MGRN1: variants seen among roughly 807,000 people sequenced by gnomAD.
MGRN1 encodes the protein mahogunin ring finger 1.
Under a neutral mutation model 69.2 loss-of-function variants are expected in MGRN1, and 29 were observed. That is an observed-to-expected ratio of 0.42 (90% CI 0.31 to 0.57). The LOEUF (loss-of-function observed/expected upper bound fraction) is 0.57. Among genes scored for constraint, MGRN1 ranks in the 20% least tolerant of loss-of-function variants. MGRN1 has a pLI of 0.15. For missense variants in MGRN1, 998 were observed against 796.2 expected, an observed-to-expected ratio of 1.25 and a Z score of -3.05; for synonymous variants, 470 against 344.2, an observed-to-expected ratio of 1.37 and a Z score of -4.04.
In MGRN1 at chr16:4,624,985, A is replaced by T; in HGVS notation, c.25A>T (p.Ile9Phe). The T allele has an allele frequency of 6.4e-7, 1 of 1,557,492 alleles. No individual in the cohort carries two copies. The highest frequency in any genetic ancestry group is 2.7e-5 in the East Asian group (1 of 37,684). MGSILSRR[I>F]AGVEDIDIQA... ...CATGGGCTCCATTCTCAGCCGCCGC[A>T]TCGCGGGGGTGGAGGACATCGACAT... is the stretch of plus-strand genomic sequence containing the variant. Residue 9 changes from isoleucine to phenylalanine, a missense_variant, in exon 1 of 17, where the codon ATC becomes TTC. Ile to Phe is a conservative substitution (Grantham distance 21). Transcript: ENST00000262370.
intron 11 of MGRN1, 62 bp from the exon 12 acceptor site, chr16:4,679,970 C>T (rs1201073967): frequency 2.0e-6 from 3 of 1,501,938 alleles, no homozygotes; most frequent in South Asian, 1.2e-5. Context: ...CAGACCTGTC[C>T]AGCCCACTCC....
Position 4,669,041 on chromosome 16 carries a change from CAT to C in MGRN1, c.726+733_726+734del, listed in dbSNP as rs112585256. ...ACACATACACATATGTACAGACACA[CAT>C]ATACTCACACACACTTATATATAGA... On this transcript the variant is annotated intron_variant, in intron 8 of 16. Coordinates refer to ENST00000262370, the MANE Select transcript of MGRN1 (RefSeq NM_015246.4). 5 of 152,396 alleles carry C rather than the reference CAT, an allele frequency of 3.3e-5. 1 individual carries two copies. The highest frequency in any genetic ancestry group is 1.2e-4 in the African/African-American group (5 of 41,532). The allele number at this position is 152,396 out of a possible 1,614,324, so 9.4% of individuals were successfully genotyped here.
Position 4,673,615 on chromosome 16 carries a change from A to G in MGRN1, c.913A>G (p.Thr305Ala), listed in dbSNP as rs1397380373. The G allele has an allele frequency of 6.2e-7, 1 of 1,613,630 alleles. No homozygotes were observed. Among genetic ancestry groups the G allele is most frequent in the Admixed American group, 1.7e-5 (1 of 59,994 alleles). Residue 305 changes from threonine (T) to alanine (A), a missense_variant, in exon 10 of 17, where the codon ACG becomes GCG. By Grantham distance (58) the Thr-to-Ala change is moderately conservative. Transcript: ENST00000262370. ...HLCLCTSCADTLRYQANNCPI... is the reference protein window; with the variant it reads ...HLCLCTSCADALRYQANNCPI... ...GTGCCTCTGTACCTCCTGCGCCGAC[A>G]CGCTGCGCTACCAGGCCAACAACTG...
chr16:4,679,367 G>T (rs2079125831), intron 11 of MGRN1, among the ~76,000 whole-genome samples: 1 of 152,174 alleles, frequency 6.6e-6, no homozygotes, highest in South Asian at 2.1e-4. Flanking sequence ...TGACCAGGCA[G>T]CTCTGACCTC....
intron 8 of MGRN1, among the ~76,000 whole-genome samples, chr16:4,669,431 C>CAA (rs58001283): frequency 0.044 from 4,131 of 92,924 alleles, 233 homozygotes; most frequent in Non-Finnish European, 0.065. Context: ...AAGACTGTGT[C>CAA]AAAAAAAAAA....
intron 15 of MGRN1, 110 bp from the exon 16 acceptor site, chr16:4,683,733 C>A (rs2079242644): frequency 2.3e-6 from 2 of 888,548 alleles, no homozygotes; most frequent in Non-Finnish European, 3.5e-6. Context: ...GCCTGGGGTC[C>A]CCACAGTGGC....
At chr16:4,660,825 C>T (rs1255030070) in intron 5 of MGRN1, among the ~76,000 whole-genome samples, 1 of 152,166 alleles carries the variant, frequency 6.6e-6, no homozygotes, top group Admixed American at 6.5e-5. Context: ...ACAGTCCCAG[C>T]ATGATCAGCC....
rs184466350 is a variant in MGRN1 at position 4,679,453 on chromosome 16, C to T, written c.1066-579C>T. On this transcript the variant is annotated intron_variant, in intron 11 of 16. Coordinates refer to ENST00000262370, the MANE Select transcript of MGRN1 (RefSeq NM_015246.4). ...GCATGGAGCAAAAGCAAACGCTCCT[C>T]CTCACCTGCCAGGTTCCTGTTGGAG... Among the ~76,000 whole-genome samples the T allele has an allele frequency of 7.2e-5, 11 of 152,272 alleles. No homozygotes were observed. In the East Asian group the frequency reaches 2.1e-3, roughly 30 times the overall value.
At chr16:4,669,491 C>T (rs2078892243) in intron 8 of MGRN1, among the ~76,000 whole-genome samples, 1 of 149,068 alleles carries the variant, frequency 6.7e-6, no homozygotes, top group Non-Finnish European at 1.5e-5. Context: ...GCTCTAAGCT[C>T]TGGGACGACG....
chr16:4,630,064 A>AAAG (rs1183218172), intron 1 of MGRN1, among the ~76,000 whole-genome samples: 3 of 150,640 alleles, frequency 2.0e-5, no homozygotes, highest in African/African-American at 7.3e-5. Context: ...AAAAAAAAAA[A>AAAG]AAAAAGCGCA....
Position 4,689,084 on chromosome 16 carries a change from C to T in MGRN1, c.*176C>T, listed in dbSNP as rs938297129. 2 of 802,804 alleles carry T rather than the reference C, an allele frequency of 2.5e-6. No individual in the cohort carries two copies. Among genetic ancestry groups the T allele is most frequent in the African/African-American group, 1.7e-5 (1 of 57,738 alleles). 49.7% of individuals were successfully genotyped at this position (802,804 alleles called of 1,614,324 possible). A position where few individuals can be genotyped will look rare whatever the true frequency, so the allele number is the denominator to read the frequency against. On this transcript the variant is annotated 3_prime_UTR_variant, in exon 17 of 17. Transcript: ENST00000262370. ...ACAGTGAACTGTCCCTTCTGAGTCTCCCTTTTCTACAGTTGATATATTTGT... is the reference window on the plus strand; with the variant it reads ...ACAGTGAACTGTCCCTTCTGAGTCTTCCTTTTCTACAGTTGATATATTTGT...
At chr16:4,662,348 C>G (rs927438741) in intron 5 of MGRN1, among the ~76,000 whole-genome samples, 16 of 152,054 alleles carry the variant, frequency 1.1e-4, no homozygotes, top group Non-Finnish European at 1.5e-5. Context: ...AACCCCGTCT[C>G]TACTAAAAAT....
Position 4,632,007 on chromosome 16 carries a change from C to CTTTTTTTTTTTT in MGRN1, c.88+6972_88+6983dup, listed in dbSNP as rs869090061. ...CAATCTAGTAGTGATAAAAAATTTC[C>CTTTTTTTTTTTT]TTTTTTTTTTTTTTTTTTTTTTTTG... On this transcript the variant is annotated intron_variant, in intron 1 of 16. Transcript: ENST00000262370. 3.7e-4 allele frequency among the ~76,000 whole-genome samples: 24 copies of CTTTTTTTTTTTT among 64,862 alleles called. 1 individual carries two copies. Among genetic ancestry groups the CTTTTTTTTTTTT allele is most frequent in the African/African-American group, 7.6e-4 (11 of 14,548 alleles). 42.6% of individuals were successfully genotyped at this position (64,862 alleles called of 152,430 possible). A position where few individuals can be genotyped will look rare whatever the true frequency, so the allele number is the denominator to read the frequency against.
chr16:4,653,422 C>G (rs1332477876), intron 4 of MGRN1, among the ~76,000 whole-genome samples: 1 of 152,220 alleles, frequency 6.6e-6, no homozygotes, highest in Non-Finnish European at 1.5e-5. Context: ...AACTCCATCT[C>G]CAGCCCCTGT....
intron 1 of MGRN1, among the ~76,000 whole-genome samples, chr16:4,646,268 A>G (rs1266562372): frequency 6.6e-6 from 1 of 152,158 alleles, no homozygotes; most frequent in African/African-American, 2.4e-5. Context: ...CCATGTCTAC[A>G]AAAAATAAAC....
chr16:4,686,982 T>G (rs1179369285), intron 16 of MGRN1: 3 of 985,418 alleles, frequency 3.0e-6, no homozygotes, highest in Non-Finnish European at 3.6e-6. Context: ...CGTCCTGTCC[T>G]GAGGGCGTCC....
At position 4,684,137 on chromosome 16, in the gene MGRN1, G is replaced by T. The variant is rs1051565627; in HGVS notation, c.1618+205G>T. Among the ~76,000 whole-genome samples the T allele has an allele frequency of 6.6e-5, 10 of 152,264 alleles. No individual in the cohort carries two copies. The South Asian group carries it at 2.1e-3, about 31-fold the overall frequency. ...TGGCCACAAAGCAGCCTCAGGCAGGGCCTGGCTCTTGGGAGCGGAACCTGC... is the reference window on the plus strand; with the variant it reads ...TGGCCACAAAGCAGCCTCAGGCAGGTCCTGGCTCTTGGGAGCGGAACCTGC... On this transcript the variant is annotated intron_variant, in intron 16 of 16. Transcript: ENST00000262370.
intron 2 of MGRN1, among the ~76,000 whole-genome samples, chr16:4,651,598 G>A (rs992527904): frequency 4.6e-5 from 7 of 152,066 alleles, no homozygotes; most frequent in Admixed American, 2.6e-4. Context: ...AGCTGTGCTC[G>A]TAGGAAGCTT....
chr16:4,653,177 T>C (rs28592187), intron 4 of MGRN1, among the ~76,000 whole-genome samples: 9,728 of 152,048 alleles, frequency 0.064, 573 homozygotes, highest in African/African-American at 0.15. Context: ...GCTCCCACAG[T>C]CCCCTCCTCA....
Sources: allele counts gnomAD v4.1 joint callset (sites outside exome capture counted in the v4.1 genomes callset), GRCh38; gene constraint gnomAD v4.1.1; transcripts MANE v1.5; gene names NCBI Gene and HGNC (gene_info 2026-07-23, HGNC 2026-07-21).